The following SUPT3H variants were observed in gnomAD, a reference collection of about 807,000 sequenced individuals.
The protein encoded by SUPT3H is transcription initiation protein SPT3 homolog.
Under a neutral mutation model 44.3 loss-of-function variants are expected in SUPT3H, and 44 were observed. The observed-to-expected ratio is 0.99, with a 90% CI of 0.78 to 1.28. The LOEUF is 1.28. Ranked by LOEUF, SUPT3H falls within the 50% of genes most tolerant of loss-of-function variation. SUPT3H has a pLI of 0.00. For missense variants in SUPT3H, 380 were observed against 387.1 expected (o/e 0.98, Z 0.15); for synonymous variants, 124 against 125.6 (o/e 0.99, Z 0.09).
intron 2 of SUPT3H, among the ~76,000 whole-genome samples, chr6:45,153,526 A>G (rs1807286342): frequency 6.6e-6 from 1 of 152,212 alleles, no homozygotes; most frequent in Non-Finnish European, 1.5e-5. Context: ...ATAATACATT[A>G]TTAAAAATTA....
At chr6:44,819,755 G>A (rs777999568) in intron 11 of SUPT3H, among the ~76,000 whole-genome samples, 1 of 151,692 alleles carries the variant, frequency 6.6e-6, no homozygotes, top group Non-Finnish European at 1.5e-5. Context: ...CAGCCTGGGT[G>A]ACAGAGTAAG....
chr6:45,022,827 T>C (rs1392931546), intron 3 of SUPT3H, among the ~76,000 whole-genome samples: 1 of 152,092 alleles, frequency 6.6e-6, no homozygotes, highest in Non-Finnish European at 1.5e-5. Context: ...ACTCAAGTCC[T>C]GCACTTAGCC....
Position 45,002,332 on chromosome 6 carries a change from G to T in SUPT3H, c.504+1321C>A, listed in dbSNP as rs571984671. ...TCCATTTCTTCTCTTCTTGATTGTG[G>T]AATGCCCTTTTAGGTAACAGGTTTG... On this transcript the variant is annotated intron_variant, in intron 6 of 10. Transcript: ENST00000371459. 2.3e-4 allele frequency among the ~76,000 whole-genome samples: 35 copies of T among 152,024 alleles called. 1 individual carries two copies. The highest frequency in any genetic ancestry group is 1.1e-3 in the Admixed American group (16 of 15,220).
At chr6:45,252,565 G>A (rs1345890519) in intron 2 of SUPT3H, among the ~76,000 whole-genome samples, 1 of 151,874 alleles carries the variant, frequency 6.6e-6, no homozygotes, top group Non-Finnish European at 1.5e-5. Flanking sequence ...TCACATCCAG[G>A]AATGGCACAG....
chr6:45,351,749 C>T (rs1195359372), intron 2 of SUPT3H, among the ~76,000 whole-genome samples: 1 of 152,120 alleles, frequency 6.6e-6, no homozygotes, highest in Non-Finnish European at 1.5e-5. Flanking sequence ...ATCAGAACCT[C>T]CAACATCTCA....
intron 2 of SUPT3H, among the ~76,000 whole-genome samples, chr6:45,111,697 G>T (rs1394575827): frequency 6.6e-6 from 1 of 152,062 alleles, no homozygotes; most frequent in Non-Finnish European, 1.5e-5. Context: ...TCCTTCATCT[G>T]AAGATAATGC....
chr6:45,193,105 G>C (rs1169379961), intron 2 of SUPT3H, among the ~76,000 whole-genome samples: 2 of 151,856 alleles, frequency 1.3e-5, no homozygotes, highest in African/African-American at 4.8e-5. Flanking sequence ...ATTCGTTAAG[G>C]GACCATGACC....
chr6:45,178,173 C>T (rs1175045945), intron 2 of SUPT3H, among the ~76,000 whole-genome samples: 2 of 151,918 alleles, frequency 1.3e-5, no homozygotes, highest in African/African-American at 2.4e-5. Flanking sequence ...TTTAGGAAAC[C>T]CATCTCATGT....
rs558801936 is a variant in SUPT3H at position 45,070,348 on chromosome 6, G to A, written c.186+35574C>T. On this transcript the variant is annotated intron_variant, in intron 3 of 10. Transcript: ENST00000371459. ...TTCTGATCTTTCAAGACCACCCAAA[G>A]CCAATTTGGAAACCCCAGGATCCAA... 7.9e-5 allele frequency among the ~76,000 whole-genome samples: 12 copies of A among 152,204 alleles called. No homozygotes were observed. The South Asian group carries it at 2.5e-3, about 32-fold the overall frequency.
chr6:45,290,731 T>C (rs1169821708), intron 2 of SUPT3H, among the ~76,000 whole-genome samples: 3 of 152,162 alleles, frequency 2.0e-5, no homozygotes, highest in Non-Finnish European at 4.4e-5. Context: ...TCTAAACTAT[T>C]GTTTGTAGTG....
intron 2 of SUPT3H, among the ~76,000 whole-genome samples, chr6:45,191,038 A>G (rs1815042817): frequency 6.6e-6 from 1 of 152,092 alleles, no homozygotes; most frequent in Non-Finnish European, 1.5e-5. Flanking sequence ...TTCTTACTAT[A>G]TGATCCAGCA....
intron 10 of SUPT3H, among the ~76,000 whole-genome samples, chr6:44,871,219 C>G (rs1326349847): frequency 4.3e-5 from 6 of 138,498 alleles, no homozygotes; most frequent in Non-Finnish European, 9.4e-5. Flanking sequence ...AAAAAGACAG[C>G]AGTAACCTCT....
chr6:45,163,456 T>C (rs1218612716), intron 2 of SUPT3H, among the ~76,000 whole-genome samples: 1 of 152,156 alleles, frequency 6.6e-6, no homozygotes, highest in Non-Finnish European at 1.5e-5. Context: ...TGCCAGTAAA[T>C]ACATTAACTT....
At chr6:45,357,067 C>T (rs2150226449) in intron 2 of SUPT3H, among the ~76,000 whole-genome samples, 1 of 152,254 alleles carries the variant, frequency 6.6e-6, no homozygotes, top group South Asian at 2.1e-4. Flanking sequence ...AGTGCAGTGG[C>T]ACGATCTCGG....
At chr6:45,040,777 G>A (rs550534216) in intron 3 of SUPT3H, among the ~76,000 whole-genome samples, 24 of 152,098 alleles carry the variant, frequency 1.6e-4, no homozygotes, top group South Asian at 4.2e-4. Flanking sequence ...AGGTTGATAC[G>A]GAAATTCAGA....
intron 10 of SUPT3H, among the ~76,000 whole-genome samples, chr6:44,855,689 C>T (rs767112281): frequency 6.6e-6 from 1 of 151,798 alleles, no homozygotes; most frequent in Non-Finnish European, 1.5e-5. Context: ...ATTATATATG[C>T]GCTCACATTC....
chr6:44,934,355 T>C (rs1301100608), intron 9 of SUPT3H, among the ~76,000 whole-genome samples: 2 of 152,168 alleles, frequency 1.3e-5, no homozygotes, highest in African/African-American at 4.8e-5. Context: ...TAAATGTTCA[T>C]TAATGAGGGA....
At chr6:45,013,059 TA>T (rs1329086357) in intron 5 of SUPT3H, among the ~76,000 whole-genome samples, 2 of 152,106 alleles carry the variant, frequency 1.3e-5, no homozygotes, top group Non-Finnish European at 2.9e-5. Context: ...TAGCCCCCAC[TA>T]ATTGACAGCT....
chr6:45,146,619 A>C (rs1312479983), intron 2 of SUPT3H, among the ~76,000 whole-genome samples: 2 of 152,182 alleles, frequency 1.3e-5, no homozygotes, highest in Non-Finnish European at 2.9e-5. Context: ...CTCATCTTTA[A>C]TAGCTAAACA....
Sources: allele counts gnomAD v4.1 joint callset (sites outside exome capture counted in the v4.1 genomes callset), GRCh38; gene constraint gnomAD v4.1.1; transcripts MANE v1.5; gene names NCBI Gene and HGNC (gene_info 2026-07-23, HGNC 2026-07-21).